The following HNF4G variants were observed in gnomAD, a reference collection of about 807,000 sequenced individuals.
HNF4G encodes the protein hepatocyte nuclear factor 4-gamma.
HNF4G carries 21 observed loss-of-function variants against 50.9 expected under a neutral mutation model. The observed-to-expected ratio is 0.41, with a 90% CI of 0.29 to 0.59. The LOEUF (loss-of-function observed/expected upper bound fraction) is 0.59, where lower values mean the gene tolerates loss of function less well. HNF4G is among the 20% of genes least tolerant of loss of function. HNF4G has a pLI of 0.26. For synonymous variants in HNF4G, 198 were observed against 185.6 expected, an observed-to-expected ratio of 1.07 and a Z score of -0.54; for missense variants, 527 against 559.4, an observed-to-expected ratio of 0.94 and a Z score of 0.58.
At chr8:75,470,258 A>G (rs1304963558) in intron 1 of HNF4G, among the ~76,000 whole-genome samples, 1 of 152,238 alleles carries the variant, frequency 6.6e-6, no homozygotes, top group South Asian at 2.1e-4. Flanking sequence ...ACATTTGATT[A>G]TAAAAGCATT....
rs116891353 is a variant in HNF4G, at chr8:75,433,884, T to A, written c.-144+25722T>A. On this transcript the variant is annotated intron_variant, in intron 1 of 10. Transcript: ENST00000354370. ...GGTTTTATAAATTTCAAAAGACTAA[T>A]GTCATGTAACTATAGTCTTTGACTT... is the stretch of plus-strand genomic sequence containing the variant. Among the ~76,000 whole-genome samples the A allele has an allele frequency of 1.5e-3, 233 of 152,248 alleles. 3 individuals are homozygous for A. In the East Asian group the frequency reaches 0.043, roughly 28 times the overall value.
intron 1 of HNF4G, among the ~76,000 whole-genome samples, chr8:75,464,237 C>CT (rs5892494): frequency 0.51 from 75,744 of 149,514 alleles, 20,656 homozygotes; most frequent in African/African-American, 0.73. Context: ...GATTCTCTCT[C>CT]TTTTTTTTTT....
intron 2 of HNF4G, among the ~76,000 whole-genome samples, chr8:75,507,550 T>G (rs1415237675): frequency 6.6e-6 from 1 of 152,238 alleles, no homozygotes; most frequent in African/African-American, 2.4e-5. Flanking sequence ...TGAGCCACTG[T>G]GCCCGGCTGA....
chr8:75,453,095 T>G (rs2130584348), intron 1 of HNF4G, among the ~76,000 whole-genome samples: 1 of 152,360 alleles, frequency 6.6e-6, no homozygotes, highest in African/African-American at 2.4e-5. Flanking sequence ...CAGGCTGTTC[T>G]AATATCTGTA....
At chr8:75,489,796 T>C (rs968199446) in intron 1 of HNF4G, among the ~76,000 whole-genome samples, 1 of 152,212 alleles carries the variant, frequency 6.6e-6, no homozygotes, top group African/African-American at 2.4e-5. Context: ...TTAGTCAGAT[T>C]TCTCAACATT....
intron 1 of HNF4G, among the ~76,000 whole-genome samples, chr8:75,422,003 G>A (rs954809468): frequency 1.3e-5 from 2 of 152,232 alleles, no homozygotes; most frequent in African/African-American, 4.8e-5. Context: ...TCATTATGCT[G>A]TTGTGTTCTA....
At chr8:75,498,196 C>T (rs1402235050) in intron 2 of HNF4G, among the ~76,000 whole-genome samples, 2 of 151,708 alleles carry the variant, frequency 1.3e-5, no homozygotes, top group Non-Finnish European at 2.9e-5. Flanking sequence ...TATTCAAAGC[C>T]CATATCCAAT....
At chr8:75,430,498 GA>G (rs1810988471) in intron 1 of HNF4G, among the ~76,000 whole-genome samples, 10 of 145,934 alleles carry the variant, frequency 6.9e-5, no homozygotes, top group South Asian at 2.1e-4. Flanking sequence ...GAGAGAGAGA[GA>G]GAGGGAGAGA....
At chr8:75,477,653 T>A (rs11994728) in intron 1 of HNF4G, among the ~76,000 whole-genome samples, 18,519 of 151,654 alleles carry the variant, frequency 0.12, 1,531 homozygotes, top group African/African-American at 0.24. Flanking sequence ...CCATTAAAAA[T>A]ATATATATAA....
intron 2 of HNF4G, among the ~76,000 whole-genome samples, chr8:75,525,822 C>G (rs1422384740): frequency 6.6e-6 from 1 of 151,992 alleles, no homozygotes; most frequent in Non-Finnish European, 1.5e-5. Flanking sequence ...TTTTAAATGC[C>G]TGAGATTCCA....
chr8:75,440,029 C>T (rs940864304), intron 1 of HNF4G, among the ~76,000 whole-genome samples: 8 of 151,922 alleles, frequency 5.3e-5, no homozygotes, highest in Admixed American at 1.3e-4. Flanking sequence ...ATTGTCTTGT[C>T]ATTGCAACTG....
At chr8:75,531,034 T>C (rs1209875263) in intron 2 of HNF4G, among the ~76,000 whole-genome samples, 1 of 152,092 alleles carries the variant, frequency 6.6e-6, no homozygotes, top group Non-Finnish European at 1.5e-5. Flanking sequence ...CCTCAGGTGA[T>C]CCATCCGCCT....
At chr8:75,433,751 A>G (rs1192090239) in intron 1 of HNF4G, among the ~76,000 whole-genome samples, 1 of 152,132 alleles carries the variant, frequency 6.6e-6, no homozygotes, top group Non-Finnish European at 1.5e-5. Flanking sequence ...GAAATAAACT[A>G]GGTAATAATT....
intron 1 of HNF4G, among the ~76,000 whole-genome samples, chr8:75,428,591 G>A (rs1810938434): frequency 6.6e-6 from 1 of 152,114 alleles, no homozygotes; most frequent in African/African-American, 2.4e-5. Context: ...TAACTGAGCT[G>A]ATATCTAAAT....
rs150296009 is a variant in HNF4G, at chr8:75,518,896, C to A, written c.-23-24915C>A. 6.9e-3 allele frequency among the ~76,000 whole-genome samples: 1,057 copies of A among 152,294 alleles called. 14 individuals are homozygous for A. The highest frequency in any genetic ancestry group is 0.024 in the African/African-American group (993 of 41,544). On this transcript the variant is annotated intron_variant, in intron 2 of 10. Transcript: ENST00000354370. Reference sequence around the variant, plus strand: ...ATTTCTGCAGCCGGCTTGAATTTCTCCTCAGAAAATGGGTTTTTCTTTTCT... The same window carrying A: ...ATTTCTGCAGCCGGCTTGAATTTCTACTCAGAAAATGGGTTTTTCTTTTCT...
intron 9 of HNF4G, among the ~76,000 whole-genome samples, chr8:75,562,706 T>C (rs1020100203): frequency 6.6e-6 from 1 of 152,198 alleles, no homozygotes; most frequent in East Asian, 1.9e-4. Context: ...AAAAATCACA[T>C]TGTTACTTTC....
chr8:75,453,245 G>A (rs1811629700), intron 1 of HNF4G, among the ~76,000 whole-genome samples: 1 of 152,150 alleles, frequency 6.6e-6, no homozygotes, highest in African/African-American at 2.4e-5. Flanking sequence ...GTGGAGTGGG[G>A]ACTTGGAGAA....
intron 2 of HNF4G, among the ~76,000 whole-genome samples, chr8:75,545,046 C>G (rs1585941989): frequency 6.6e-6 from 1 of 151,920 alleles, no homozygotes; most frequent in East Asian, 1.9e-4. Context: ...TAAAAACTTT[C>G]TAGGTAAACA....
At chr8:75,542,295 T>C (rs2130786134) in intron 1 of HNF4G, among the ~76,000 whole-genome samples, 1 of 139,324 alleles carries the variant, frequency 7.2e-6, no homozygotes, top group South Asian at 2.3e-4. Flanking sequence ...ACAAAGCAAG[T>C]CCCTGACTCA....
Sources: gnomAD v4.1 joint callset for allele counts (sites outside exome capture counted in the v4.1 genomes callset) on GRCh38, gnomAD v4.1.1 for gene constraint, MANE v1.5 for transcripts, NCBI Gene and HGNC (gene_info 2026-07-23, HGNC 2026-07-21) for gene names.